SLC25A21: variants seen among roughly 807,000 people sequenced by gnomAD.
SLC25A21 encodes the protein solute carrier family 25 member 21.
A neutral mutation model predicts 43.8 loss-of-function variants in SLC25A21; 47 were observed. That is an observed-to-expected ratio of 1.07 (90% confidence interval 0.85 to 1.37). The LOEUF is 1.37. SLC25A21 is among the 40% of genes most tolerant of loss of function. The pLI, the probability that SLC25A21 is intolerant of heterozygous loss-of-function variation, is 0.00. For synonymous variants in SLC25A21, 131 were observed against 121.3 expected (o/e 1.08, Z -0.52); for missense variants, 352 against 350.2 (o/e 1.00, Z -0.04).
At chr14:36,697,670 T>G (rs561160125) in intron 7 of SLC25A21, among the ~76,000 whole-genome samples, 1 of 152,286 alleles carries the variant, frequency 6.6e-6, no homozygotes, top group South Asian at 2.1e-4. Flanking sequence ...TGTAATGGCC[T>G]TCTTTGTCTC....
At chr14:36,760,174 G>A (rs1886090240) in intron 3 of SLC25A21, among the ~76,000 whole-genome samples, 1 of 152,146 alleles carries the variant, frequency 6.6e-6, no homozygotes, top group South Asian at 2.1e-4. Context: ...AGTTTCAGGG[G>A]CAGCAGGAAC....
intron 2 of SLC25A21, among the ~76,000 whole-genome samples, chr14:36,852,398 T>C (rs1414715467): frequency 6.6e-6 from 1 of 152,194 alleles, no homozygotes; most frequent in African/African-American, 2.4e-5. Context: ...CTGGTTAAAG[T>C]GTCCTGTGCC....
intron 1 of SLC25A21, among the ~76,000 whole-genome samples, chr14:37,089,968 T>G (rs1383652468): frequency 2.0e-5 from 3 of 152,172 alleles, no homozygotes; most frequent in African/African-American, 7.2e-5. Flanking sequence ...TTCAATTATT[T>G]AAAATGTGCA....
rs530732208 is a variant in SLC25A21, at chr14:36,928,701, G to A, written c.71-53697C>T. 5.3e-4 allele frequency among the ~76,000 whole-genome samples: 81 copies of A among 152,146 alleles called. 1 individual carries two copies. Among genetic ancestry groups the A allele is most frequent in the African/African-American group, 1.8e-3 (76 of 41,508 alleles). ...AGATTGCCGAATTGCTCAGCTAAAC[G>A]TTTTCAAATCCGTGACTCTCTATTT... On this transcript the variant is annotated intron_variant, in intron 1 of 9. Coordinates refer to ENST00000331299, the MANE Select transcript of SLC25A21 (RefSeq NM_030631.4).
chr14:36,862,572 A>G lies in SLC25A21; in HGVS notation c.119+12384T>C, dbSNP rs191224824. Among the ~76,000 whole-genome samples, 388 of 152,270 alleles carry G rather than the reference A, an allele frequency of 2.5e-3. 1 individual carries two copies. Among genetic ancestry groups the G allele is most frequent in the African/African-American group, 9.0e-3 (374 of 41,546 alleles). On this transcript the variant is annotated intron_variant, in intron 2 of 9. Transcript: ENST00000331299. ...GGAGCTGAACAATGAGAACACATGG[A>G]CACAGGGAGGGGAACAACACACACT...
intron 5 of SLC25A21, among the ~76,000 whole-genome samples, chr14:36,726,293 A>G (rs1291587033): frequency 2.0e-5 from 3 of 152,200 alleles, no homozygotes; most frequent in Non-Finnish European, 4.4e-5. Context: ...GAGATCAGAA[A>G]TGGCTAGATG....
intron 1 of SLC25A21, chr14:37,098,311 G>T (rs558815435): frequency 6.6e-6 from 1 of 152,286 alleles, no homozygotes; most frequent in East Asian, 1.9e-4. Context: ...CGTAGACTTT[G>T]GAGACAGACA....
At chr14:36,729,213 T>C (rs1415523294) in intron 5 of SLC25A21, among the ~76,000 whole-genome samples, 1 of 152,242 alleles carries the variant, frequency 6.6e-6, no homozygotes, top group Non-Finnish European at 1.5e-5. Flanking sequence ...AATACATGCA[T>C]GTCTTGGTTT....
At chr14:37,125,396 T>G (rs1345380967) in intron 1 of SLC25A21, among the ~76,000 whole-genome samples, 2 of 152,216 alleles carry the variant, frequency 1.3e-5, no homozygotes, top group African/African-American at 4.8e-5. Flanking sequence ...GCTAAATGTA[T>G]GAGTTTCTGA....
intron 1 of SLC25A21, among the ~76,000 whole-genome samples, chr14:37,022,057 T>A (rs1960998748): frequency 6.8e-6 from 1 of 147,632 alleles, no homozygotes; most frequent in South Asian, 2.1e-4. Flanking sequence ...TCATAGGGAT[T>A]TTTTTTTTCC....
chr14:36,711,454 T>G lies in SLC25A21; in HGVS notation c.467A>C (p.Gln156Pro). The stretch of plus-strand genomic sequence containing the variant: ...TCCCCAGCCTTCCTTCTTAATGATT[T>G]GTCTTGCATAACCCACAGTGGATGG... ...EQPSTVGYAR[Q>P]IIKKEGWGLQ... The change falls in exon 7 of 10, where the codon CAA (glutamine) becomes CCA (proline). Residue 156 changes from glutamine to proline, a missense_variant. Coordinates refer to ENST00000331299, the MANE Select transcript of SLC25A21 (RefSeq NM_030631.4). The G allele has an allele frequency of 6.2e-7, 1 of 1,614,088 alleles. No homozygotes were observed. Among genetic ancestry groups the G allele is most frequent in the Non-Finnish European group, 8.5e-7 (1 of 1,180,002 alleles).
intron 1 of SLC25A21, among the ~76,000 whole-genome samples, chr14:36,995,487 T>C (rs375265724): frequency 2.6e-5 from 4 of 152,208 alleles, no homozygotes; most frequent in African/African-American, 9.6e-5. Flanking sequence ...TCTTTGACTG[T>C]AGGTCATGTG....
intron 2 of SLC25A21, among the ~76,000 whole-genome samples, chr14:36,856,549 A>C (rs1889903471): frequency 6.6e-6 from 1 of 152,054 alleles, no homozygotes; most frequent in Non-Finnish European, 1.5e-5. Flanking sequence ...TCTCCCACTG[A>C]CTGCTTCCTC....
In SLC25A21 at chr14:37,040,364, AGAGAG is replaced by A. The variant is rs1961434054; in HGVS notation, c.70+131912_70+131916del. The stretch of plus-strand genomic sequence containing the variant: ...AGGAAGGAAGGAAGGAAAGAAAGAG[AGAGAG>A]AGAGAGAAAGAAAGAAAGAAAGAAA... On this transcript the variant is annotated intron_variant, in intron 1 of 9. Transcript: ENST00000331299. 2.3e-4 allele frequency among the ~76,000 whole-genome samples: 8 copies of A among 34,798 alleles called. 1 individual carries two copies. The African/African-American group carries it at 3.1e-3, about 14-fold the overall frequency. The allele number at this position is 34,798 out of a possible 152,430, so 22.8% of individuals were successfully genotyped here.
At chr14:36,819,695 G>A (rs952259876) in intron 2 of SLC25A21, among the ~76,000 whole-genome samples, 3 of 152,148 alleles carry the variant, frequency 2.0e-5, no homozygotes, top group Non-Finnish European at 4.4e-5. Context: ...AATACTGAAC[G>A]AGTCTATTCT....
chr14:37,061,022 G>A (rs1041090072), intron 1 of SLC25A21, among the ~76,000 whole-genome samples: 13 of 152,170 alleles, frequency 8.5e-5, no homozygotes, highest in Non-Finnish European at 1.6e-4. Context: ...CTCACAGGAA[G>A]TGAATGCAGG....
chr14:37,070,154 T>C (rs1962141952), intron 1 of SLC25A21, among the ~76,000 whole-genome samples: 1 of 152,192 alleles, frequency 6.6e-6, no homozygotes, highest in Admixed American at 6.5e-5. Context: ...TGTATTACCA[T>C]CCTAATCGGA....
At chr14:36,828,675 C>T (rs1244530391) in intron 2 of SLC25A21, 1 of 152,180 alleles carries the variant, frequency 6.6e-6, no homozygotes, top group Admixed American at 6.5e-5. Flanking sequence ...TTAACTGATA[C>T]AAGGATTGGG....
intron 1 of SLC25A21, among the ~76,000 whole-genome samples, chr14:36,989,870 A>G (rs1258096978): frequency 6.6e-6 from 1 of 151,266 alleles, no homozygotes; most frequent in Non-Finnish European, 1.5e-5. Flanking sequence ...GGATATGAGC[A>G]TATGACTTTC....
Sources: gnomAD v4.1 joint callset for allele counts (sites outside exome capture counted in the v4.1 genomes callset) on GRCh38, gnomAD v4.1.1 for gene constraint, MANE v1.5 for transcripts, NCBI Gene and HGNC (gene_info 2026-07-23, HGNC 2026-07-21) for gene names.